Variants in FREM1 observed in about 807,000 individuals in gnomAD.
FREM1 encodes FRAS1 related extracellular matrix 1.
FREM1 carries 220 observed loss-of-function variants against 210.1 expected under a neutral mutation model. The observed-to-expected ratio is 1.05, with a 90% CI of 0.94 to 1.17. FREM1 has a LOEUF of 1.17. FREM1 is among the 50% of genes most tolerant of loss of function. FREM1 has a pLI of 0.00. For synonymous variants in FREM1, 1,189 were observed against 980.2 expected (o/e 1.21, Z -3.98); for missense variants, 3,454 against 2,675.5 (o/e 1.29, Z -6.42).
intron 32 of FREM1, 105 bp downstream of exon 32, chr9:14,747,575 AT>A (rs1047679463): frequency 3.1e-5 from 32 of 1,041,786 alleles, no homozygotes; most frequent in African/African-American, 8.2e-5. Context: ...TTTCAAAACA[AT>A]TTTTTAAGAG....
rs1409865293 is a variant in FREM1, at chr9:14,824,893, T to C, written c.1981A>G (p.Ile661Val). The C allele has an allele frequency of 6.2e-7, 1 of 1,613,220 alleles. No homozygotes were observed. Among genetic ancestry groups the C allele is most frequent in the Non-Finnish European group, 8.5e-7 (1 of 1,179,646 alleles). The change falls in exon 11 of 37, where the codon ATA becomes GTA. Residue 661 changes from isoleucine to valine, a missense_variant. Coordinates refer to ENST00000380880, the MANE Select transcript of FREM1 (RefSeq NM_001379081.2). ...LVVKETEVAY[I>V]TKKQLHFIDS... ...ATAAAATGTAGCTGTTTCTTAGTTA[T>C]ATAGGCCACCTCAGTTTCCTTGACA...
intron 19 of FREM1, among the ~76,000 whole-genome samples, chr9:14,804,541 C>T (rs929597947): frequency 3.3e-5 from 5 of 152,076 alleles, no homozygotes; most frequent in Admixed American, 6.5e-5. Flanking sequence ...GCCGAGGTCG[C>T]GCCACTGCAC....
chr9:14,778,893 T>A (rs1273932879), intron 24 of FREM1, among the ~76,000 whole-genome samples: 1 of 151,946 alleles, frequency 6.6e-6, no homozygotes, highest in Non-Finnish European at 1.5e-5. Context: ...AGAAAAATAA[T>A]TTTAAAAAAG....
chr9:14,767,640 G>T (rs1200654744), intron 27 of FREM1, among the ~76,000 whole-genome samples: 1 of 152,048 alleles, frequency 6.6e-6, no homozygotes, highest in Non-Finnish European at 1.5e-5. Flanking sequence ...GGCTGTCTTG[G>T]GAAGATGAAC....
chr9:14,767,876 G>A (rs1846731404), intron 27 of FREM1, among the ~76,000 whole-genome samples: 1 of 152,068 alleles, frequency 6.6e-6, no homozygotes, highest in African/African-American at 2.4e-5. Flanking sequence ...ACAGCATTTT[G>A]TTCAGTCATG....
intron 24 of FREM1, among the ~76,000 whole-genome samples, chr9:14,777,441 A>G (rs546039485): frequency 5.9e-5 from 9 of 152,340 alleles, no homozygotes; most frequent in Admixed American, 1.3e-4. Context: ...CACCAAAGAA[A>G]TGTACTTAGA....
At chr9:14,795,373 G>C (rs1038815271) in intron 21 of FREM1, among the ~76,000 whole-genome samples, 2 of 152,216 alleles carry the variant, frequency 1.3e-5, no homozygotes, top group Non-Finnish European at 1.5e-5. Context: ...TCTGACTCCA[G>C]CATTTGCTCT....
At position 14,747,277 on chromosome 9, in the gene FREM1, T is replaced by A. The variant is rs1842640105; in HGVS notation, c.5996A>T (p.His1999Leu). 6.2e-7 allele frequency: 1 copy of A among 1,612,374 alleles called. No homozygotes were observed. Among genetic ancestry groups the A allele is most frequent in the Non-Finnish European group, 8.5e-7 (1 of 1,179,164 alleles). The change falls in exon 33 of 37, where the codon CAC (histidine) becomes CTC (leucine). Residue 1999 changes from histidine (H) to leucine (L), a missense_variant. Physicochemically the swap from His to Leu is moderately conservative, Grantham distance 99. Coordinates refer to ENST00000380880, the MANE Select transcript of FREM1 (RefSeq NM_001379081.2). ...AGATTTTCATACCTGTCTGGGGAAGTGTGAGTCAGTTGTGGATTCCACCTT... is the reference window on the plus strand; with the variant it reads ...AGATTTTCATACCTGTCTGGGGAAGAGTGAGTCAGTTGTGGATTCCACCTT... ...ADKVESTTDS[H>L]FPRQDQLPSF... is the part of the protein sequence containing the mutation.
intron 10 of FREM1, among the ~76,000 whole-genome samples, chr9:14,827,714 G>C (rs1382837010): frequency 6.6e-6 from 1 of 152,208 alleles, no homozygotes. Flanking sequence ...TTAGACATCA[G>C]GCCACCATTC....
At chr9:14,847,524 G>A (rs1272345283) in intron 7 of FREM1, among the ~76,000 whole-genome samples, 1 of 152,032 alleles carries the variant, frequency 6.6e-6, no homozygotes, top group Admixed American at 6.6e-5. Context: ...TAAGGGTTTG[G>A]AAGCCAGGAG....
At chr9:14,844,100 G>C (rs771295777) in intron 8 of FREM1, among the ~76,000 whole-genome samples, 4 of 152,104 alleles carry the variant, frequency 2.6e-5, no homozygotes, top group Non-Finnish European at 5.9e-5. Flanking sequence ...CTTAATAAAT[G>C]ATCACACTAT....
chr9:14,885,475 A>G (rs535452899), intron 1 of FREM1, among the ~76,000 whole-genome samples: 5 of 152,310 alleles, frequency 3.3e-5, no homozygotes, highest in African/African-American at 9.6e-5. Context: ...GCTAGCATGC[A>G]GTGGTGCGAT....
chr9:14,866,442 G>C (rs543985798), intron 2 of FREM1, among the ~76,000 whole-genome samples: 2 of 152,250 alleles, frequency 1.3e-5, no homozygotes, highest in Admixed American at 6.5e-5. Flanking sequence ...AGGAGTCATA[G>C]GCCATTTGAG....
intron 5 of FREM1, among the ~76,000 whole-genome samples, 190 bp downstream of exon 5, chr9:14,857,363 A>G (rs1013859646): frequency 6.6e-6 from 1 of 152,210 alleles, no homozygotes; most frequent in Non-Finnish European, 1.5e-5. Flanking sequence ...GGGAAATTTT[A>G]TACAAAACCT....
At chr9:14,887,741 C>T (rs1836066165) in intron 1 of FREM1, among the ~76,000 whole-genome samples, 1 of 152,164 alleles carries the variant, frequency 6.6e-6, no homozygotes, top group Non-Finnish European at 1.5e-5. Flanking sequence ...CACTGGGCTA[C>T]ATTCTTCCTA....
At chr9:14,870,094 T>C (rs1271226796) in intron 1 of FREM1, among the ~76,000 whole-genome samples, 1 of 152,236 alleles carries the variant, frequency 6.6e-6, no homozygotes, top group Non-Finnish European at 1.5e-5. Flanking sequence ...CCCAGTATAA[T>C]TAGGTGAACA....
At chr9:14,825,388 T>A (rs1174746450) in intron 10 of FREM1, among the ~76,000 whole-genome samples, 1 of 149,002 alleles carries the variant, frequency 6.7e-6, no homozygotes, top group Non-Finnish European at 1.5e-5. Context: ...CTCGGCAGGC[T>A]GAGGCAGGAG....
intron 10 of FREM1, among the ~76,000 whole-genome samples, chr9:14,838,440 T>C (rs1825024353): frequency 6.6e-6 from 1 of 152,156 alleles, no homozygotes; most frequent in Non-Finnish European, 1.5e-5. Context: ...GTTCCTCAAA[T>C]ATTGAAGTTT....
At chr9:14,905,640 G>C (rs1317864949) in intron 1 of FREM1, among the ~76,000 whole-genome samples, 1 of 152,240 alleles carries the variant, frequency 6.6e-6, no homozygotes, top group Admixed American at 6.5e-5. Context: ...TATAACCCTA[G>C]CACTTTGGGA....
Sources: allele counts gnomAD v4.1 joint callset (sites outside exome capture counted in the v4.1 genomes callset), GRCh38; gene constraint gnomAD v4.1.1; transcripts MANE v1.5; gene names NCBI Gene and HGNC (gene_info 2026-07-23, HGNC 2026-07-21).